Variants in FOLH1 observed in about 807,000 individuals in gnomAD.
FOLH1 encodes folate hydrolase 1.
Under a neutral mutation model 93.9 loss-of-function variants are expected in FOLH1, and 54 were observed. The ratio of observed to expected loss-of-function variants is 0.57; its 90% CI spans 0.46 to 0.72. The LOEUF (loss-of-function observed/expected upper bound fraction) is 0.72. Ranked by LOEUF, FOLH1 falls within the 30% of genes least tolerant of loss-of-function variation. The probability of loss-of-function intolerance (pLI) is 0.00; values close to 1 mark genes in which losing one functional copy is unlikely to be tolerated. For synonymous variants in FOLH1, 249 were observed against 303.6 expected (o/e 0.82, Z 1.87); for missense variants, 571 against 892.5 (o/e 0.64, Z 4.59).
chr11:49,159,897 T>G (rs1857491585), intron 13 of FOLH1, among the ~76,000 whole-genome samples: 1 of 150,324 alleles, frequency 6.7e-6, no homozygotes, highest in African/African-American at 2.4e-5. Flanking sequence ...TTTTTTTCTT[T>G]TTCCTTTTCT....
At chr11:49,160,547 A>C (rs1356915807) in intron 13 of FOLH1, among the ~76,000 whole-genome samples, 1 of 151,808 alleles carries the variant, frequency 6.6e-6, no homozygotes, top group Admixed American at 6.6e-5. Flanking sequence ...GGTTCAAGCG[A>C]TTCTCCTGCC....
intron 7 of FOLH1, among the ~76,000 whole-genome samples, chr11:49,177,734 G>T (rs1445364361): frequency 6.7e-6 from 1 of 149,056 alleles, no homozygotes; most frequent in East Asian, 2.0e-4. Flanking sequence ...GATCACCTGA[G>T]GTCGGGAGTT....
At chr11:49,205,591 C>T (rs970477562) in intron 2 of FOLH1, among the ~76,000 whole-genome samples, 3 of 152,194 alleles carry the variant, frequency 2.0e-5, no homozygotes, top group East Asian at 3.9e-4. Flanking sequence ...CATTAATCAG[C>T]AAACTAGGTT....
intron 12 of FOLH1, among the ~76,000 whole-genome samples, chr11:49,167,656 A>C (rs1484705935): frequency 1.3e-5 from 2 of 152,110 alleles, no homozygotes; most frequent in Non-Finnish European, 2.9e-5. Context: ...CTCCACTAAA[A>C]ATACAAAAAT....
chr11:49,157,596 C>G (rs202688), intron 14 of FOLH1, among the ~76,000 whole-genome samples: 150,914 of 151,918 alleles, frequency 0.99, 74,974 homozygotes, highest in Middle Eastern at 1. Flanking sequence ...TCAGATTAGG[C>G]ATGTTCAACC....
At chr11:49,194,686 T>A (rs2135271523) in intron 3 of FOLH1, among the ~76,000 whole-genome samples, 1 of 152,094 alleles carries the variant, frequency 6.6e-6, no homozygotes, top group East Asian at 1.9e-4. Context: ...AAGCGTAGCA[T>A]GTCTAAATAA....
chr11:49,174,961 T>C lies in FOLH1; in HGVS notation c.1036A>G (p.Ile346Val). 2 of 1,610,638 alleles carry C rather than the reference T, an allele frequency of 1.2e-6. No individual in the cohort carries two copies. The highest frequency in any genetic ancestry group is 1.7e-6 in the Non-Finnish European group (2 of 1,178,334). Residue 346 changes from isoleucine (I) to valine (V), a missense_variant, in exon 9 of 19, where the codon ATC (isoleucine) becomes GTC (valine). Physicochemically the swap from Ile to Val is conservative, Grantham distance 29. This residue lies in a region of FOLH1 where 500 missense variants were observed against 822.9 expected (regional missense o/e 0.61). Coordinates refer to ENST00000256999, the MANE Select transcript of FOLH1 (RefSeq NM_004476.3). ...CTTGTCACTTCATTGGTAGAGTGGA[T>C]GTGCATCTTGACTTTTCTAATGCAA... ...NFSTQKVKMH[I>V]HSTNEVTRIY...
intron 12 of FOLH1, among the ~76,000 whole-genome samples, chr11:49,166,513 G>C (rs542533046): frequency 6.6e-6 from 1 of 152,260 alleles, no homozygotes; most frequent in Admixed American, 6.5e-5. Context: ...TACGCTCTTG[G>C]TGCTTTGTGA....
intron 3 of FOLH1, among the ~76,000 whole-genome samples, chr11:49,196,397 A>T (rs1292989613): frequency 2.6e-5 from 4 of 152,322 alleles, no homozygotes; most frequent in Admixed American, 2.6e-4. Flanking sequence ...GAAAGGTTAA[A>T]GGAAAAAATA....
At chr11:49,183,303 T>G (rs1444454371) in intron 6 of FOLH1, 61 bp from the exon 7 acceptor site, 5 of 1,159,672 alleles carry the variant, frequency 4.3e-6, no homozygotes, top group Non-Finnish European at 6.3e-6. Context: ...CGGTTCTCTA[T>G]AAATCACATT....
At chr11:49,160,076 C>T (rs1001348529) in intron 13 of FOLH1, among the ~76,000 whole-genome samples, 5 of 151,936 alleles carry the variant, frequency 3.3e-5, no homozygotes, top group African/African-American at 1.2e-4. Flanking sequence ...CCACACCCAG[C>T]TAATTTCCAT....
At chr11:49,187,807 C>T (rs1468579720) in intron 4 of FOLH1, among the ~76,000 whole-genome samples, 2 of 152,166 alleles carry the variant, frequency 1.3e-5, no homozygotes, top group Non-Finnish European at 2.9e-5. Context: ...GTAGACAGCC[C>T]CCTTGCTCAA....
At chr11:49,157,099 G>C (rs1474209530) in intron 14 of FOLH1, among the ~76,000 whole-genome samples, 1 of 151,794 alleles carries the variant, frequency 6.6e-6, no homozygotes, top group Non-Finnish European at 1.5e-5. Context: ...ATCTTTATTT[G>C]TTGTACATAA....
chr11:49,178,343 G>T (rs1482368539), intron 7 of FOLH1, among the ~76,000 whole-genome samples: 1 of 152,134 alleles, frequency 6.6e-6, no homozygotes, highest in Non-Finnish European at 1.5e-5. Flanking sequence ...TTGCTTTGGG[G>T]GTGTAAATGG....
intron 3 of FOLH1, among the ~76,000 whole-genome samples, chr11:49,195,334 A>G (rs1187473115): frequency 6.6e-6 from 1 of 152,212 alleles, no homozygotes. Context: ...AAGAAAATAC[A>G]GAAATTAAAA....
rs1859612418 is a variant in FOLH1 at position 49,173,418 on chromosome 11, A to T, written c.1164T>A (p.Pro388=). The stretch of plus-strand genomic sequence containing the variant: ...CATGAACAACAGCTGCTCCACTCTG[A>T]GGGTCAATACCACCAAACACCCATG... ...RDSWVFGGID[P]QSGAAVVHEI... Residue 388 remains proline, a synonymous_variant, in exon 10 of 19, where the codon CCT becomes CCA. Coordinates refer to ENST00000256999, the MANE Select transcript of FOLH1 (RefSeq NM_004476.3). 1.2e-6 allele frequency: 2 copies of T among 1,612,094 alleles called. No homozygotes were observed. The highest frequency in any genetic ancestry group is 1.7e-6 in the Non-Finnish European group (2 of 1,178,794).
At chr11:49,183,096 C>T (rs1860965104) in intron 7 of FOLH1, 53 bp downstream of exon 7, 1 of 1,482,848 alleles carries the variant, frequency 6.7e-7, no homozygotes, top group Non-Finnish European at 9.2e-7. Flanking sequence ...CATTTGAAAA[C>T]TGTCAATAAG....
At chr11:49,208,016 C>G in intron 1 of FOLH1, 1 of 654,064 alleles carries the variant, frequency 1.5e-6, no homozygotes, top group Non-Finnish European at 2.8e-6. Flanking sequence ...GGCTCCAGCA[C>G]TTGGAACCTT....
At chr11:49,194,732 A>C (rs1242229021) in intron 3 of FOLH1, among the ~76,000 whole-genome samples, 2 of 152,106 alleles carry the variant, frequency 1.3e-5, no homozygotes, top group Admixed American at 1.3e-4. Flanking sequence ...CAGTGACATA[A>C]ACCCGCTGAA....
Sources: allele counts gnomAD v4.1 joint callset (sites outside exome capture counted in the v4.1 genomes callset), GRCh38; gene constraint gnomAD v4.1.1; regional missense constraint gnomAD v4.1.1; transcripts MANE v1.5; gene names NCBI Gene and HGNC (gene_info 2026-07-23, HGNC 2026-07-21).